CSGALNACT1: variants seen among roughly 807,000 people sequenced by gnomAD.
The protein encoded by CSGALNACT1 is beta4GalNAcT-1.
In CSGALNACT1, 52 loss-of-function variants were observed where a neutral mutation model predicts 51.0. The observed-to-expected ratio is 1.02, with a 90% CI of 0.82 to 1.29. The LOEUF is 1.29. Among genes scored for constraint, CSGALNACT1 ranks in the 50% most tolerant of loss-of-function variants. The pLI is 0.00. For synonymous variants in CSGALNACT1, 341 were observed against 254.4 expected (o/e 1.34, Z -3.24); for missense variants, 935 against 679.2 (o/e 1.38, Z -4.19).
chr8:19,676,353 C>A (rs1032618031), intron 1 of CSGALNACT1, among the ~76,000 whole-genome samples: 7 of 152,126 alleles, frequency 4.6e-5, no homozygotes, highest in African/African-American at 1.7e-4. Flanking sequence ...GAAAGCTGGG[C>A]ATTCCCAGCA....
intron 1 of CSGALNACT1, among the ~76,000 whole-genome samples, chr8:19,608,443 T>C (rs2051716184): frequency 6.6e-6 from 1 of 152,214 alleles, no homozygotes; most frequent in Non-Finnish European, 1.5e-5. Context: ...AATCAAAGTA[T>C]GGAACAGACC....
chr8:19,470,383 G>A (rs1232416430), intron 4 of CSGALNACT1, among the ~76,000 whole-genome samples: 1 of 152,166 alleles, frequency 6.6e-6, no homozygotes, highest in African/African-American at 2.4e-5. Flanking sequence ...TAAGGATGTG[G>A]GAAACAACGC....
intron 1 of CSGALNACT1, among the ~76,000 whole-genome samples, chr8:19,731,067 C>G (rs980609733): frequency 1.3e-5 from 2 of 152,162 alleles, no homozygotes; most frequent in Non-Finnish European, 2.9e-5. Flanking sequence ...GAAAAGGAAT[C>G]ATGAGCCTAA....
At chr8:19,607,205 G>C (rs906879604), upstream of CSGALNACT1, among the ~76,000 whole-genome samples, 2 of 151,888 alleles carry the variant, frequency 1.3e-5, no homozygotes, top group East Asian at 1.9e-4. Context: ...ACCCTGCGTG[G>C]TCTGGAGTTG....
intron 3 of CSGALNACT1, among the ~76,000 whole-genome samples, chr8:19,511,057 C>G (rs1158265377): frequency 6.6e-6 from 1 of 152,242 alleles, no homozygotes; most frequent in Non-Finnish European, 1.5e-5. Flanking sequence ...TCAAGAAAGA[C>G]TCAAGGACAA....
chr8:19,417,911 GC>G (rs2057202780), intron 8 of CSGALNACT1, among the ~76,000 whole-genome samples: 1 of 152,178 alleles, frequency 6.6e-6, no homozygotes. Flanking sequence ...CTTCTGGCTT[GC>G]CTTTCCTCCT....
chr8:19,627,644 C>T (rs1442491399), intron 1 of CSGALNACT1, among the ~76,000 whole-genome samples: 7 of 151,980 alleles, frequency 4.6e-5, no homozygotes, highest in African/African-American at 7.2e-5. Flanking sequence ...GGCAACAAAG[C>T]GAGACCTGTC....
chr8:19,541,553 A>ATTTTTTTTTTTTTTTTTTTTCTT (rs2085146471), intron 3 of CSGALNACT1, among the ~76,000 whole-genome samples: 1 of 70,098 alleles, frequency 1.4e-5, no homozygotes, highest in Non-Finnish European at 2.5e-5. Flanking sequence ...TGCTCAGCCA[A>ATTTTTTTTTTTTTTTTTTTTCTT]TTTTTTTTTT....
At chr8:19,696,764 CT>C (rs1336228897) in intron 1 of CSGALNACT1, among the ~76,000 whole-genome samples, 1 of 152,164 alleles carries the variant, frequency 6.6e-6, no homozygotes, top group East Asian at 1.9e-4. Flanking sequence ...TGTGGGGCAT[CT>C]AGAATGGGGG....
intron 1 of CSGALNACT1, among the ~76,000 whole-genome samples, chr8:19,639,169 T>G (rs186079167): frequency 6.6e-6 from 1 of 152,334 alleles, no homozygotes; most frequent in Admixed American, 6.5e-5. Context: ...AATGTTCTAC[T>G]TAAATGAAAT....
intron 1 of CSGALNACT1, among the ~76,000 whole-genome samples, chr8:19,657,177 C>G (rs2058355438): frequency 1.3e-5 from 2 of 150,996 alleles, no homozygotes; most frequent in Admixed American, 1.3e-4. Context: ...AATTTGTGCA[C>G]TTGGAGATAG....
chr8:19,598,211 T>C (rs1425235537), intron 2 of CSGALNACT1, among the ~76,000 whole-genome samples: 1 of 152,092 alleles, frequency 6.6e-6, no homozygotes, highest in Non-Finnish European at 1.5e-5. Flanking sequence ...AACACCTGAT[T>C]AAGGGTCAAT....
chr8:19,477,278 G>T (rs1167296076), intron 4 of CSGALNACT1, among the ~76,000 whole-genome samples: 1 of 152,182 alleles, frequency 6.6e-6, no homozygotes, highest in African/African-American at 2.4e-5. Flanking sequence ...CTGGGCAGTG[G>T]GGGTTCCCTG....
rs144636125 is a variant in CSGALNACT1, at chr8:19,435,903, T to C, written c.953+3927A>G. Among the ~76,000 whole-genome samples, 22 of 152,200 alleles carry C rather than the reference T, an allele frequency of 1.4e-4. 1 individual carries two copies. In the South Asian group the frequency reaches 1.4e-3, roughly 10 times the overall value. Reference sequence around the variant, plus strand: ...GCACACACACACACACGCACACACATTGAAATTAAACTTTCATGAAAGAAT... The same window carrying C: ...GCACACACACACACACGCACACACACTGAAATTAAACTTTCATGAAAGAAT... On this transcript the variant is annotated intron_variant, in intron 6 of 9. Transcript: ENST00000454498.
intron 1 of CSGALNACT1, among the ~76,000 whole-genome samples, chr8:19,631,770 A>T (rs1029496649): frequency 1.3e-5 from 2 of 152,216 alleles, no homozygotes; most frequent in Non-Finnish European, 2.9e-5. Flanking sequence ...TTTCTTTAGC[A>T]TTTCTGGATT....
intron 1 of CSGALNACT1, among the ~76,000 whole-genome samples, chr8:19,643,426 C>T (rs1213762994): frequency 2.0e-5 from 3 of 152,032 alleles, no homozygotes; most frequent in African/African-American, 4.8e-5. Flanking sequence ...GACTTGAGGT[C>T]GGGAGTCCAA....
intron 1 of CSGALNACT1, among the ~76,000 whole-genome samples, chr8:19,752,056 CAAT>C (rs950263769): frequency 1.5e-5 from 2 of 130,290 alleles, no homozygotes; most frequent in African/African-American, 3.0e-5. Context: ...TAATATATAA[CAAT>C]ATATTTTTAT....
At chr8:19,412,053 G>A (rs1246478234) in intron 8 of CSGALNACT1, among the ~76,000 whole-genome samples, 2 of 152,142 alleles carry the variant, frequency 1.3e-5, no homozygotes, top group South Asian at 2.1e-4. Flanking sequence ...GGCTGGTCTC[G>A]AACTCCTGAC....
In CSGALNACT1 at chr8:19,469,815, G is replaced by A. The variant is rs138746990; in HGVS notation, c.635-11173C>T. ...TTTTCATCGCACATTATCTGAATGT[G>A]TTTACTGCTTATCTATGCGTTACTC... On this transcript the variant is annotated intron_variant, in intron 4 of 9. Transcript: ENST00000454498. Among the ~76,000 whole-genome samples, 64 of 152,238 alleles carry A rather than the reference G, an allele frequency of 4.2e-4. No homozygotes were observed. In the Middle Eastern group the frequency reaches 0.017, roughly 40 times the overall value.
Sources: gnomAD v4.1 joint callset for allele counts (sites outside exome capture counted in the v4.1 genomes callset) on GRCh38, gnomAD v4.1.1 for gene constraint, MANE v1.5 for transcripts, NCBI Gene and HGNC (gene_info 2026-07-23, HGNC 2026-07-21) for gene names.